The following IL17F variants were observed in gnomAD, a reference collection of about 807,000 sequenced individuals.
IL17F encodes interleukin-17F.
A neutral mutation model predicts 8.3 loss-of-function variants in IL17F; 6 were observed. The ratio of observed to expected loss-of-function variants is 0.73; its 90% CI spans 0.40 to 1.43. The LOEUF is 1.43. Ranked by LOEUF, IL17F falls within the 40% of genes most tolerant of loss-of-function variation. The pLI is 0.02. For synonymous variants in IL17F, 98 were observed against 81.6 expected, an observed-to-expected ratio of 1.20 and a Z score of -1.08; for missense variants, 204 against 209.6, an observed-to-expected ratio of 0.97 and a Z score of 0.17.
chr6:52,243,289 G>GTT (rs1334250481), intron 1 of IL17F, among the ~76,000 whole-genome samples: 11 of 152,158 alleles, frequency 7.2e-5, no homozygotes, highest in African/African-American at 2.7e-4. Context: ...CTGTTTTCAT[G>GTT]TACCTCTATA....
Position 52,236,869 on chromosome 6 carries a change from G to T in IL17F, c.*62C>A. Reference sequence around the variant, plus strand: ...AATTGGGGGTCAGACAGGACTTGTTGCAGAGCACTGGGTAAGGAGTGGCAT... The same window carrying T: ...AATTGGGGGTCAGACAGGACTTGTTTCAGAGCACTGGGTAAGGAGTGGCAT... On this transcript the variant is annotated 3_prime_UTR_variant, in exon 3 of 3. Coordinates refer to ENST00000336123, the MANE Select transcript of IL17F (RefSeq NM_052872.4). The T allele has an allele frequency of 1.5e-6, 2 of 1,324,842 alleles. No individual in the cohort carries two copies. Among genetic ancestry groups the T allele is most frequent in the South Asian group, 1.2e-5 (1 of 84,992 alleles). The allele number at this position is 1,324,842 out of a possible 1,614,324, so 82.1% of individuals were successfully genotyped here.
chr6:52,239,022 G>A (rs779242802), intron 1 of IL17F, 72 bp from the exon 2 acceptor site: 25 of 1,332,120 alleles, frequency 1.9e-5, no homozygotes, highest in Admixed American at 1.2e-4. Flanking sequence ...ATGGTCTGGC[G>A]GAACTCAGCA....
At chr6:52,239,242 T>C (rs1350417469) in intron 1 of IL17F, 1 of 401,856 alleles carries the variant, frequency 2.5e-6, no homozygotes, top group African/African-American at 2.0e-5. Flanking sequence ...AATCCTATCC[T>C]GGCTTCCTTG....
intron 1 of IL17F, among the ~76,000 whole-genome samples, chr6:52,240,661 T>C (rs1764057752): frequency 6.6e-6 from 1 of 151,982 alleles, no homozygotes; most frequent in South Asian, 2.1e-4. Flanking sequence ...AAGCTGACAC[T>C]AAAAAGAAGT....
At position 52,237,050 on chromosome 6, in the gene IL17F, G is replaced by C. The variant is rs1467647868; in HGVS notation, c.373C>G (p.Gln125Glu). 6.2e-7 allele frequency: 1 copy of C among 1,614,242 alleles called. No homozygotes were observed. Among genetic ancestry groups the C allele is most frequent in the South Asian group, 1.1e-5 (1 of 91,086 alleles). The stretch of plus-strand genomic sequence containing the variant: ...TTCCTCCGGACGACCAGGGTCTCTT[G>C]CTGGATGGGAACGGAATTCATGGAG... ...DISMNSVPIQ[Q>E]ETLVVRRKHQ... Residue 125 changes from glutamine to glutamate, a missense_variant, in exon 3 of 3, where the codon CAA becomes GAA. By Grantham distance (29) the Gln-to-Glu change is conservative. Transcript: ENST00000336123.
At chr6:52,243,548 G>A (rs759909543) in intron 1 of IL17F, among the ~76,000 whole-genome samples, 6 of 152,270 alleles carry the variant, frequency 3.9e-5, no homozygotes, top group Non-Finnish European at 7.4e-5. Context: ...AACCTCTTGA[G>A]GCCCCAGTTT....
chr6:52,244,081 G>A (rs533723425), intron 1 of IL17F, among the ~76,000 whole-genome samples: 2 of 152,010 alleles, frequency 1.3e-5, no homozygotes, highest in South Asian at 2.1e-4. Context: ...TTTTAGTAGA[G>A]ACCGGGTTTC....
rs368500268 is a variant in IL17F at position 52,237,016 on chromosome 6, C to G, written c.407G>C (p.Gly136Ala). ...ETLVVRRKHQ[G>A]CSVSFQLEKV... ...CTCCAACTGGAAAGAAACAGAGCAGCCTTGGTGCTTCCTCCGGACGACCAG... is the reference window on the plus strand; with the variant it reads ...CTCCAACTGGAAAGAAACAGAGCAGGCTTGGTGCTTCCTCCGGACGACCAG... The change falls in exon 3 of 3, where the codon GGC becomes GCC. Residue 136 changes from glycine to alanine, a missense_variant. By Grantham distance (60) the Gly-to-Ala change is moderately conservative. Transcript: ENST00000336123. The G allele has an allele frequency of 1.2e-6, 2 of 1,614,220 alleles. No homozygotes were observed. Among genetic ancestry groups the G allele is most frequent in the South Asian group, 2.2e-5 (2 of 91,086 alleles).
chr6:52,239,103 C>T, intron 1 of IL17F, 153 bp from the exon 2 acceptor site: 1 of 710,106 alleles, frequency 1.4e-6, no homozygotes, highest in Non-Finnish European at 2.5e-6. Flanking sequence ...GGAACACTCA[C>T]ACCTAAAGGT....
intron 1 of IL17F, among the ~76,000 whole-genome samples, chr6:52,240,738 C>T (rs931579223): frequency 1.3e-5 from 2 of 152,100 alleles, no homozygotes; most frequent in East Asian, 3.9e-4. Flanking sequence ...CAGCAATCAT[C>T]AACTTTCATC....
chr6:52,244,317 C>G, intron 1 of IL17F, 80 bp downstream of exon 1: 1 of 1,367,646 alleles, frequency 7.3e-7, no homozygotes, highest in Middle Eastern at 1.8e-4. Context: ...AGACCCCAAT[C>G]AAACCTAATT....
upstream of IL17F, among the ~76,000 whole-genome samples, chr6:52,244,845 C>T (rs1189817111): frequency 6.6e-6 from 1 of 152,318 alleles, no homozygotes; most frequent in African/African-American, 2.4e-5. Flanking sequence ...ATATGTTCTA[C>T]TTTCCAGTCA....
chr6:52,244,365 G>A (rs879555905), intron 1 of IL17F, 32 bp downstream of exon 1: 2 of 1,607,050 alleles, frequency 1.2e-6, no homozygotes, highest in Non-Finnish European at 1.7e-6. Context: ...AGGCATGACA[G>A]TCCTTAAACC....
In IL17F at chr6:52,236,891, G is replaced by A. The variant is rs997801674; in HGVS notation, c.*40C>T. On this transcript the variant is annotated 3_prime_UTR_variant, in exon 3 of 3. Transcript: ENST00000336123. Reference sequence around the variant, plus strand: ...GTTGCAGAGCACTGGGTAAGGAGTGGCATTTCTACAGCTTCTTCAGCTGAG... The same window carrying A: ...GTTGCAGAGCACTGGGTAAGGAGTGACATTTCTACAGCTTCTTCAGCTGAG... 2 of 1,510,012 alleles carry A rather than the reference G, an allele frequency of 1.3e-6. No homozygotes were observed. Among genetic ancestry groups the A allele is most frequent in the African/African-American group, 1.4e-5 (1 of 72,836 alleles). 93.5% of individuals were successfully genotyped at this position (1,510,012 alleles called of 1,614,324 possible).
Position 52,236,976 on chromosome 6 carries a change from A to G in IL17F, c.447T>C (p.Thr149=), listed in dbSNP as rs1446649876. The G allele has an allele frequency of 1.2e-6, 2 of 1,614,170 alleles. No individual in the cohort carries two copies. Residue 149 remains threonine (T), a synonymous_variant, in exon 3 of 3, where the codon ACT becomes ACC. Transcript: ENST00000336123. The part of the protein sequence containing the change: ...VSFQLEKVLV[T]VGCTCVTPVI... ...CAGGGGTGACGCAGGTGCAGCCAAC[A>G]GTCACCAGCACCTTCTCCAACTGGA...
In IL17F at chr6:52,238,756, G is replaced by T. The variant is rs774595984; in HGVS notation, c.228C>A (p.Ser76Arg). The change falls in exon 2 of 3, where the codon AGC becomes AGA. Residue 76 changes from serine to arginine, a missense_variant. Transcript: ENST00000336123. The part of the protein sequence containing the change: ...QRVSMSRNIE[S>R]RSTSPWNYTV... ...TGTAATTCCAGGGGGAGGTGGAGCG[G>T]CTCTCGATGTTACGTGACATGGAAA... 5.0e-6 allele frequency: 8 copies of T among 1,614,084 alleles called. No homozygotes were observed. Among genetic ancestry groups the T allele is most frequent in the South Asian group, 1.1e-5 (1 of 91,078 alleles).
chr6:52,237,549 CTAG>C lies in IL17F; in HGVS notation c.255-384_255-382del, dbSNP rs1426914391. On this transcript the variant is annotated intron_variant, in intron 2 of 2. Coordinates refer to ENST00000336123, the MANE Select transcript of IL17F (RefSeq NM_052872.4). The stretch of plus-strand genomic sequence containing the variant: ...TTCTCTGCCTGGAGATTGAACGTCA[CTAG>C]TCAGTCTTCCATCACTAGTCGGTCT... Among the ~76,000 whole-genome samples the C allele has an allele frequency of 6.6e-5, 10 of 152,102 alleles. No individual in the cohort carries two copies. The East Asian group carries it at 1.7e-3, about 26-fold the overall frequency.
In IL17F at chr6:52,244,421, C is replaced by T. The variant is rs1450491278; in HGVS notation, c.9G>A (p.Val3=). The T allele has an allele frequency of 3.1e-6, 5 of 1,614,080 alleles. No homozygotes were observed. Among genetic ancestry groups the T allele is most frequent in the Non-Finnish European group, 3.4e-6 (4 of 1,179,950 alleles). ...CCATGGCTGGGCCATGCAGGGTCTT[C>T]ACTGTCATGTTGCGCTGGTGGCTTA... MT[V]KTLHGPAMVK... The change falls in exon 1 of 3, where the codon GTG becomes GTA. Residue 3 remains valine, a synonymous_variant. Coordinates refer to ENST00000336123, the MANE Select transcript of IL17F (RefSeq NM_052872.4).
At chr6:52,237,198 G>A in intron 2 of IL17F, 30 bp from the exon 3 acceptor site, 2 of 1,540,570 alleles carry the variant, frequency 1.3e-6, no homozygotes, top group Non-Finnish European at 9.0e-7. Context: ...AAGCACAATG[G>A]TGAGGCATGG....
Sources: gnomAD v4.1 joint callset for allele counts (sites outside exome capture counted in the v4.1 genomes callset) on GRCh38, gnomAD v4.1.1 for gene constraint, MANE v1.5 for transcripts, NCBI Gene and HGNC (gene_info 2026-07-23, HGNC 2026-07-21) for gene names.